The following KIAA1217 variants were observed in gnomAD, a reference collection of about 807,000 sequenced individuals.
KIAA1217 encodes sickle tail protein homolog.
Under a neutral mutation model 163.9 loss-of-function variants are expected in KIAA1217, and 88 were observed. That is an observed-to-expected ratio of 0.54 (90% CI 0.45 to 0.64). The LOEUF (loss-of-function observed/expected upper bound fraction) is 0.64. KIAA1217 is among the 30% of genes least tolerant of loss of function. The probability of loss-of-function intolerance (pLI) is 0.00; values close to 1 mark genes in which losing one functional copy is unlikely to be tolerated. For synonymous variants in KIAA1217, 903 were observed against 923.1 expected (o/e 0.98, Z 0.39); for missense variants, 2,372 against 2,475.0 (o/e 0.96, Z 0.88).
At chr10:24,210,452 G>T (rs1182610683) in intron 1 of KIAA1217, among the ~76,000 whole-genome samples, 1 of 148,478 alleles carries the variant, frequency 6.7e-6, no homozygotes, top group Non-Finnish European at 1.5e-5. Context: ...AGGCTACCTC[G>T]TCCCCCTGAC....
At chr10:23,817,345 G>A (rs1002425042) in intron 1 of KIAA1217, among the ~76,000 whole-genome samples, 1 of 152,170 alleles carries the variant, frequency 6.6e-6, no homozygotes, top group Non-Finnish European at 1.5e-5. Context: ...AATGGCTATA[G>A]TTCTTATTGA....
chr10:24,403,679 A>G (rs2131139019), intron 3 of KIAA1217, among the ~76,000 whole-genome samples: 1 of 152,342 alleles, frequency 6.6e-6, no homozygotes, highest in African/African-American at 2.4e-5. Context: ...ATCCAATTAG[A>G]AATTGGATGA....
chr10:23,877,496 G>A (rs1840750617), intron 1 of KIAA1217: 1 of 152,076 alleles, frequency 6.6e-6, no homozygotes, highest in Admixed American at 6.6e-5. Flanking sequence ...CCTGTAGTGG[G>A]TGAGTGAGAC....
rs1222471443 is a variant in KIAA1217, at chr10:24,196,172, C to CACACACACAT, written c.-170-23454_-170-23453insACACACACAT. On this transcript the variant is annotated intron_variant, in intron 2 of 18. Coordinates refer to the KIAA1217 transcript ENST00000376462. ...ACACACACACACACACACACACACA[C>CACACACACAT]TGCCCTCACAAGTTGGAGCATACTT... is the stretch of plus-strand genomic sequence containing the variant. 7.0e-3 allele frequency among the ~76,000 whole-genome samples: 1,022 copies of CACACACACAT among 146,648 alleles called. 13 individuals are homozygous for CACACACACAT. Among genetic ancestry groups the CACACACACAT allele is most frequent in the African/African-American group, 0.025 (984 of 40,020 alleles).
At chr10:24,367,554 T>C (rs2050954630) in intron 2 of KIAA1217, among the ~76,000 whole-genome samples, 1 of 152,202 alleles carries the variant, frequency 6.6e-6, no homozygotes, top group Admixed American at 6.5e-5. Flanking sequence ...AGAGATCCTA[T>C]CCTTGCCAGC....
intron 3 of KIAA1217, among the ~76,000 whole-genome samples, chr10:24,402,542 A>AAAAAAAT (rs2056706173): frequency 6.7e-6 from 1 of 149,166 alleles, no homozygotes; most frequent in East Asian, 2.0e-4. Context: ...AAAAAAAAAA[A>AAAAAAAT]GGCAAAGGAG....
chr10:24,370,874 A>G (rs2051545027), intron 2 of KIAA1217, among the ~76,000 whole-genome samples: 1 of 152,232 alleles, frequency 6.6e-6, no homozygotes, highest in African/African-American at 2.4e-5. Context: ...CACCACACCT[A>G]GTCCAGGCTT....
chr10:24,313,367 G>A (rs2042949431), intron 2 of KIAA1217, among the ~76,000 whole-genome samples: 1 of 152,180 alleles, frequency 6.6e-6, no homozygotes, highest in Admixed American at 6.5e-5. Context: ...GTAGGCTTGA[G>A]GAGAGTAGCC....
chr10:24,021,851 AAGATTAGCCTTTT>A (rs1847746817), intron 2 of KIAA1217, among the ~76,000 whole-genome samples: 1 of 148,146 alleles, frequency 6.8e-6, no homozygotes, highest in Admixed American at 6.9e-5. Context: ...TCAATGAAGA[AAGATTAGCCTTTT>A]CAACATCTGG....
chr10:23,778,098 T>C (rs145564644), intron 1 of KIAA1217, among the ~76,000 whole-genome samples: 1,555 of 152,136 alleles, frequency 0.01, 47 homozygotes, highest in African/African-American at 0.031. Flanking sequence ...TGCACCACCA[T>C]GTTTGGCTAA....
chr10:24,426,845 C>A (rs1484021775), intron 3 of KIAA1217, among the ~76,000 whole-genome samples: 1 of 152,106 alleles, frequency 6.6e-6, no homozygotes, highest in Non-Finnish European at 1.5e-5. Flanking sequence ...CACTGCGGTG[C>A]CCTAGCAAAG....
At chr10:24,500,714 A>G (rs1592446009) in intron 8 of KIAA1217, among the ~76,000 whole-genome samples, 1 of 152,154 alleles carries the variant, frequency 6.6e-6, no homozygotes, top group East Asian at 1.9e-4. Flanking sequence ...TAAGCACTCT[A>G]TATTAGGTCT....
intron 2 of KIAA1217, among the ~76,000 whole-genome samples, chr10:24,305,510 G>T (rs1012552380): frequency 6.6e-6 from 1 of 152,162 alleles, no homozygotes; most frequent in Admixed American, 6.5e-5. Context: ...TCAGTGGTTA[G>T]TTTTGGGAAG....
At chr10:23,864,064 G>A (rs944636750) in intron 1 of KIAA1217, among the ~76,000 whole-genome samples, 5 of 141,668 alleles carry the variant, frequency 3.5e-5, no homozygotes, top group African/African-American at 1.4e-4. Flanking sequence ...CAAAAACCTT[G>A]TAAAGTAGTT....
intron 6 of KIAA1217, among the ~76,000 whole-genome samples, chr10:24,490,311 TA>T (rs749918632): frequency 6.6e-6 from 1 of 152,220 alleles, no homozygotes; most frequent in Non-Finnish European, 1.5e-5. Flanking sequence ...AGAATGAGCC[TA>T]AATGTCTTTA....
chr10:24,511,172 A>AAG lies in KIAA1217; in HGVS notation c.2002-2086_2002-2085dup, dbSNP rs1554918366. Among the ~76,000 whole-genome samples the AAG allele has an allele frequency of 6.8e-3, 790 of 115,620 alleles. 46 individuals carry two copies. The highest frequency in any genetic ancestry group is 0.014 in the Middle Eastern group (3 of 208). 75.9% of individuals were successfully genotyped at this position (115,620 alleles called of 152,430 possible). A position where few individuals can be genotyped will look rare whatever the true frequency, so the allele number is the denominator to read the frequency against. On this transcript the variant is annotated intron_variant, in intron 9 of 20. Transcript: ENST00000376454. ...TGTCTCAAAAAAAAAAAAAAAAAAA[A>AAG]AGGAGCCTGGCCCCTATGAAGAACT...
intron 3 of KIAA1217, among the ~76,000 whole-genome samples, chr10:24,387,787 G>A (rs2054225338): frequency 6.6e-6 from 1 of 151,982 alleles, no homozygotes; most frequent in Non-Finnish European, 1.5e-5. Context: ...CAAATCATGA[G>A]TGAACTCCCA....
chr10:23,886,837 C>CTT (rs907836939), intron 1 of KIAA1217, among the ~76,000 whole-genome samples: 2 of 139,352 alleles, frequency 1.4e-5, no homozygotes, highest in East Asian at 2.1e-4. Context: ...ATCTTGTTGA[C>CTT]TTTTTTTTTT....
intron 3 of KIAA1217, among the ~76,000 whole-genome samples, chr10:24,422,969 A>G (rs1359640336): frequency 7.0e-6 from 1 of 143,790 alleles, no homozygotes; most frequent in Non-Finnish European, 1.5e-5. Context: ...CAGTGGCACC[A>G]TCTTGGCTCA....
Sources: allele counts gnomAD v4.1 joint callset (sites outside exome capture counted in the v4.1 genomes callset), GRCh38; gene constraint gnomAD v4.1.1; transcripts MANE v1.5; gene names NCBI Gene and HGNC (gene_info 2026-07-23, HGNC 2026-07-21).